Variants in DAAM1 observed in about 807,000 individuals in gnomAD.
The protein encoded by DAAM1 is dishevelled associated activator of morphogenesis 1.
A neutral mutation model predicts 130.0 loss-of-function variants in DAAM1; 52 were observed. The ratio of observed to expected loss-of-function variants is 0.40; its 90% CI spans 0.32 to 0.50. DAAM1 has a LOEUF of 0.50. DAAM1 is among the 20% of genes least tolerant of loss of function. The pLI, the probability that DAAM1 is intolerant of heterozygous loss-of-function variation, is 0.61. For synonymous variants in DAAM1, 452 were observed against 444.5 expected (o/e 1.02, Z -0.21); for missense variants, 1,134 against 1,303.8 (o/e 0.87, Z 2.01).
At chr14:59,333,585 T>C (rs964440926) in intron 15 of DAAM1, among the ~76,000 whole-genome samples, 1 of 152,344 alleles carries the variant, frequency 6.6e-6, no homozygotes, top group Admixed American at 6.5e-5. Context: ...CAAATAATCT[T>C]CTAACCTGGC....
chr14:59,256,952 A>G (rs1881919094), intron 1 of DAAM1, among the ~76,000 whole-genome samples: 2 of 152,212 alleles, frequency 1.3e-5, no homozygotes, highest in African/African-American at 4.8e-5. Context: ...AATGTCTAAA[A>G]GATTTTATCA....
chr14:59,330,429 A>G lies in DAAM1; in HGVS notation c.1373-72A>G, dbSNP rs534384636. On this transcript the variant is annotated intron_variant, in intron 12 of 24. Transcript: ENST00000360909. ...TAATCTCTGCCATCATCCTCAGTCA[A>G]TTTTCTTTTAGAGAAAATGCTTCAG... The G allele has an allele frequency of 1.0e-5, 14 of 1,401,334 alleles. No individual in the cohort carries two copies. The African/African-American group carries it at 2.0e-4, about 20-fold the overall frequency. 86.8% of individuals were successfully genotyped at this position (1,401,334 alleles called of 1,614,324 possible).
intron 2 of DAAM1, among the ~76,000 whole-genome samples, chr14:59,285,611 A>G (rs1437928272): frequency 2.0e-5 from 3 of 152,182 alleles, no homozygotes; most frequent in Middle Eastern, 3.2e-3. Context: ...AAAAAAGAAC[A>G]TGGGTTGCTA....
chr14:59,230,688 G>T (rs1889078432), intron 1 of DAAM1, among the ~76,000 whole-genome samples: 2 of 148,782 alleles, frequency 1.3e-5, no homozygotes, highest in Non-Finnish European at 3.0e-5. Flanking sequence ...GCATAACAGG[G>T]TGACTGTAGT....
chr14:59,296,447 A>G (rs1186244548), intron 3 of DAAM1, among the ~76,000 whole-genome samples: 39 of 152,214 alleles, frequency 2.6e-4, no homozygotes. Flanking sequence ...CAGAGAATCT[A>G]GACTCTTGGT....
At chr14:59,325,261 A>G (rs1190764889) in intron 8 of DAAM1, among the ~76,000 whole-genome samples, 2 of 152,292 alleles carry the variant, frequency 1.3e-5, no homozygotes, top group African/African-American at 4.8e-5. Context: ...TAGGAGCTCA[A>G]TACATATGTG....
chr14:59,263,782 C>A, intron 2 of DAAM1, 122 bp downstream of exon 2: 2 of 1,217,266 alleles, frequency 1.6e-6, no homozygotes, highest in Non-Finnish European at 2.4e-6. Flanking sequence ...GGCCCCCATT[C>A]ACCTTTATGT....
In DAAM1 at chr14:59,368,802, T is replaced by C; in HGVS notation, c.3150T>C (p.Ile1050=). ...LSKLKRNRKR[I]TNQMTDSSRE... is the part of the protein sequence containing the mutation. ...AATTGAAACGGAATCGCAAACGTATTACCAACCAGATGACTGACAGCAGCA... is the reference window on the plus strand; with the variant it reads ...AATTGAAACGGAATCGCAAACGTATCACCAACCAGATGACTGACAGCAGCA... The change falls in exon 25 of 25, where the codon ATT becomes ATC. Residue 1050 remains isoleucine, a synonymous_variant. Transcript: ENST00000360909. The C allele has an allele frequency of 6.2e-7, 1 of 1,613,968 alleles. No homozygotes were observed. Among genetic ancestry groups the C allele is most frequent in the Non-Finnish European group, 8.5e-7 (1 of 1,179,930 alleles).
rs147614183 is a variant in DAAM1, at chr14:59,351,190, T to C, written c.2161-1336T>C. Among the ~76,000 whole-genome samples, 116 of 152,192 alleles carry C rather than the reference T, an allele frequency of 7.6e-4. 1 individual carries two copies. The highest frequency in any genetic ancestry group is 2.7e-3 in the African/African-American group (112 of 41,508). ...ACCACAATCCATCAAGTCAAGCCAGTTCCATTTTAGTCTCATAAATAGCTC... is the reference window on the plus strand; with the variant it reads ...ACCACAATCCATCAAGTCAAGCCAGCTCCATTTTAGTCTCATAAATAGCTC... On this transcript the variant is annotated intron_variant, in intron 17 of 24. Transcript: ENST00000360909.
At chr14:59,260,321 A>C (rs1882110750) in intron 1 of DAAM1, among the ~76,000 whole-genome samples, 1 of 152,224 alleles carries the variant, frequency 6.6e-6, no homozygotes, top group South Asian at 2.1e-4. Flanking sequence ...CAATATGCCA[A>C]CTTAGGAAGT....
intron 1 of DAAM1, among the ~76,000 whole-genome samples, chr14:59,210,349 A>G (rs1223561810): frequency 1.3e-5 from 2 of 152,216 alleles, no homozygotes; most frequent in Non-Finnish European, 2.9e-5. Context: ...ATTAAATATA[A>G]CTTTCCTCCC....
At position 59,323,027 on chromosome 14, in the gene DAAM1, T is replaced by G; in HGVS notation, c.576T>G (p.Ser192=). The change falls in exon 6 of 25, where the codon TCT becomes TCG. Residue 192 remains serine, a synonymous_variant. Transcript: ENST00000360909. ...GTATAAAGGCGTTAATGAACAACTC[T>G]CAAGGCCGGGCTCACGTCCTGGCTC... is the stretch of plus-strand genomic sequence containing the variant. ...IGCIKALMNN[S]QGRAHVLAHS... The G allele has an allele frequency of 6.2e-7, 1 of 1,614,098 alleles. No homozygotes were observed. The highest frequency in any genetic ancestry group is 8.5e-7 in the Non-Finnish European group (1 of 1,180,010).
intron 3 of DAAM1, among the ~76,000 whole-genome samples, chr14:59,296,374 C>G (rs1389512485): frequency 1.3e-5 from 2 of 152,038 alleles, no homozygotes; most frequent in Non-Finnish European, 2.9e-5. Context: ...AAGGGCAAGG[C>G]AAGTTAGTGT....
In DAAM1 at chr14:59,263,558, G is replaced by A. The variant is rs776785504; in HGVS notation, c.81G>A (p.Thr27=). 1.1e-5 allele frequency: 18 copies of A among 1,614,022 alleles called. No homozygotes were observed. Among genetic ancestry groups the A allele is most frequent in the African/African-American group, 2.7e-5 (2 of 74,900 alleles). The change falls in exon 2 of 25, where the codon ACG becomes ACA. Residue 27 remains threonine (T), a synonymous_variant. Coordinates refer to ENST00000360909, the MANE Select transcript of DAAM1 (RefSeq NM_001270520.2). ...CFRNNDHPEI[T]YRLRNDSNFA... ...GAAATAATGATCACCCAGAAATCAC[G>A]TATCGGCTGCGAAATGATAGCAACT...
chr14:59,320,867 T>C (rs1594820222), intron 5 of DAAM1, among the ~76,000 whole-genome samples: 1 of 152,138 alleles, frequency 6.6e-6, no homozygotes, highest in Non-Finnish European at 1.5e-5. Context: ...GCTAGGAATG[T>C]AAAATTGTGA....
chr14:59,267,902 CTTTTTT>C (rs60615253), intron 2 of DAAM1, among the ~76,000 whole-genome samples: 1 of 113,636 alleles, frequency 8.8e-6, no homozygotes, highest in Non-Finnish European at 1.8e-5. Context: ...ACGCCCCCCC[CTTTTTT>C]TTTTTTTTTT....
Position 59,348,883 on chromosome 14 carries a change from G to A in DAAM1, c.2160+1260G>A, listed in dbSNP as rs142223423. ...ACCTCTGCGGCTGGAATAGTCCTGG[G>A]GGAAATCCCTCACATTTGCCATGGA... On this transcript the variant is annotated intron_variant, in intron 17 of 24. Transcript: ENST00000360909. Among the ~76,000 whole-genome samples the A allele has an allele frequency of 3.6e-3, 545 of 152,242 alleles. 5 individuals are homozygous for A. Among genetic ancestry groups the A allele is most frequent in the African/African-American group, 0.012 (496 of 41,552 alleles).
chr14:59,195,605 T>TA (rs1323100891), intron 1 of DAAM1, among the ~76,000 whole-genome samples: 1 of 151,948 alleles, frequency 6.6e-6, no homozygotes, highest in Non-Finnish European at 1.5e-5. Context: ...TTTTTATGTC[T>TA]AAAAAAAATA....
chr14:59,265,544 G>A (rs1304890250), intron 2 of DAAM1: 2 of 152,246 alleles, frequency 1.3e-5, no homozygotes, highest in Non-Finnish European at 2.9e-5. Flanking sequence ...TATGTGTTGT[G>A]TGGTGTGGGT....
Sources: allele counts gnomAD v4.1 joint callset (sites outside exome capture counted in the v4.1 genomes callset), GRCh38; gene constraint gnomAD v4.1.1; transcripts MANE v1.5; gene names NCBI Gene and HGNC (gene_info 2026-07-23, HGNC 2026-07-21).